LNX1: variants seen among roughly 807,000 people sequenced by gnomAD.
LNX1 encodes ligand of numb-protein X 1.
LNX1 carries 54 observed loss-of-function variants against 68.4 expected under a neutral mutation model. The ratio of observed to expected loss-of-function variants is 0.79; its 90% CI spans 0.63 to 0.99. The LOEUF is 0.99. LNX1 is among the 50% of genes least tolerant of loss of function. LNX1 has a pLI of 0.00. For synonymous variants in LNX1, 336 were observed against 350.0 expected, an observed-to-expected ratio of 0.96 and a Z score of 0.45; for missense variants, 906 against 926.4, an observed-to-expected ratio of 0.98 and a Z score of 0.29.
chr4:53,471,366 G>T (rs1579362581), intron 9 of LNX1, among the ~76,000 whole-genome samples: 1 of 151,936 alleles, frequency 6.6e-6, no homozygotes, highest in Non-Finnish European at 1.5e-5. Flanking sequence ...ACTTATATGT[G>T]AGACCTAAAA....
rs545300947 is a variant in LNX1, at chr4:53,589,566, A to G, written c.-87+1822T>C. On this transcript the variant is annotated intron_variant, in intron 1 of 10. Coordinates refer to ENST00000263925, the MANE Select transcript of LNX1 (RefSeq NM_001126328.3). ...CATTGGTCGCTGGATGCTAACATAT[A>G]TTAGCTACCTCATTTACTTCTCACA... 4.6e-5 allele frequency among the ~76,000 whole-genome samples: 7 copies of G among 152,332 alleles called. No homozygotes were observed. In the East Asian group the frequency reaches 1.2e-3, roughly 25 times the overall value.
At chr4:53,499,782 C>T (rs528428077) in intron 4 of LNX1, among the ~76,000 whole-genome samples, 1 of 152,174 alleles carries the variant, frequency 6.6e-6, no homozygotes, top group Non-Finnish European at 1.5e-5. Flanking sequence ...ATGGAAGAGG[C>T]CTGATTCATG....
chr4:53,526,748 T>C (rs1196617028), intron 2 of LNX1, among the ~76,000 whole-genome samples: 2 of 151,908 alleles, frequency 1.3e-5, no homozygotes, highest in Non-Finnish European at 2.9e-5. Flanking sequence ...GTAAAATTAC[T>C]CTCTTTTCTC....
exon 1 of LNX1, chr4:53,617,256 G>A (rs1303118164): frequency 2.0e-5 from 3 of 152,112 alleles, no homozygotes; most frequent in Non-Finnish European, 4.4e-5. Context: ...ACCTTTTGCA[G>A]GGAAGAATCT....
chr4:53,481,719 C>T lies in LNX1; in HGVS notation c.1485+1G>A. On this transcript the variant is annotated splice_donor_variant, in intron 7 of 10. Transcript: ENST00000263925. LOFTEE classifies it high-confidence loss of function. ...CAGGCGACCTGCCCTAGAGGCCTCACCTTGGGAGTGTTGCTCCTCTCCCCT... is the reference window on the plus strand; with the variant it reads ...CAGGCGACCTGCCCTAGAGGCCTCATCTTGGGAGTGTTGCTCCTCTCCCCT... 1 of 1,613,496 alleles carries T rather than the reference C, an allele frequency of 6.2e-7. No homozygotes were observed. The highest frequency in any genetic ancestry group is 1.3e-5 in the African/African-American group (1 of 75,010).
chr4:53,633,494 T>C (rs1441235741), intron 1 of LNX1, among the ~76,000 whole-genome samples: 1 of 152,208 alleles, frequency 6.6e-6, no homozygotes, highest in East Asian at 1.9e-4. Context: ...TACTCAGAAA[T>C]ACTGATCCTT....
chr4:53,470,090 C>T (rs880000528), intron 9 of LNX1, among the ~76,000 whole-genome samples: 1 of 152,186 alleles, frequency 6.6e-6, no homozygotes, highest in Non-Finnish European at 1.5e-5. Context: ...CAAAAATCCT[C>T]AGTAAAATAC....
upstream of LNX1, among the ~76,000 whole-genome samples, chr4:53,621,953 C>T (rs1733896366): frequency 6.6e-6 from 1 of 152,122 alleles, no homozygotes; most frequent in Non-Finnish European, 1.5e-5. Context: ...ACCCACCCCA[C>T]CACCTGCCAA....
intron 2 of LNX1, among the ~76,000 whole-genome samples, chr4:53,518,332 A>T (rs1413409746): frequency 1.3e-5 from 2 of 152,238 alleles, no homozygotes; most frequent in Non-Finnish European, 2.9e-5. Flanking sequence ...GTCTCTGCAC[A>T]GTTCCAATTT....
At chr4:53,490,208 G>C (rs1724584876) in intron 6 of LNX1, among the ~76,000 whole-genome samples, 1 of 152,154 alleles carries the variant, frequency 6.6e-6, no homozygotes, top group African/African-American at 2.4e-5. Flanking sequence ...AAATGGCTTT[G>C]AGTATTTTCA....
intron 6 of LNX1, among the ~76,000 whole-genome samples, chr4:53,492,563 G>A (rs1220525989): frequency 1.4e-5 from 2 of 147,284 alleles, no homozygotes; most frequent in African/African-American, 5.0e-5. Context: ...GACTGGAGTG[G>A]TTTGGTAAAG....
At chr4:53,509,831 G>A (rs914593048) in intron 2 of LNX1, among the ~76,000 whole-genome samples, 11 of 152,132 alleles carry the variant, frequency 7.2e-5, no homozygotes, top group Admixed American at 3.9e-4. Flanking sequence ...TGATGCAGAC[G>A]TCACCATCCC....
intron 6 of LNX1, 100 bp from the exon 7 acceptor site, chr4:53,481,954 T>A (rs1723946098): frequency 1.5e-6 from 2 of 1,362,864 alleles, no homozygotes; most frequent in South Asian, 3.1e-5. Flanking sequence ...ACCATTTTTT[T>A]ATGGCAAAAC....
At chr4:53,622,646 A>G (rs1219299049) in intron 1 of LNX1, among the ~76,000 whole-genome samples, 1 of 152,194 alleles carries the variant, frequency 6.6e-6, no homozygotes, top group Non-Finnish European at 1.5e-5. Context: ...AAATATAACA[A>G]AGGAGGAAGT....
chr4:53,591,922 T>G (rs1410436103), upstream of LNX1, among the ~76,000 whole-genome samples: 2 of 152,100 alleles, frequency 1.3e-5, no homozygotes, highest in Non-Finnish European at 2.9e-5. Flanking sequence ...CTTAGAAATA[T>G]CTGAGGTGCC....
chr4:53,595,223 G>A (rs192207322), upstream of LNX1, among the ~76,000 whole-genome samples: 7 of 152,280 alleles, frequency 4.6e-5, no homozygotes, highest in Admixed American at 3.3e-4. Context: ...GCAGATATCT[G>A]TTGGGGAGGA....
intron 1 of LNX1, chr4:53,576,344 T>C (rs1277922106): frequency 5.0e-6 from 8 of 1,606,708 alleles, no homozygotes; most frequent in Non-Finnish European, 6.8e-6. Flanking sequence ...CTAAAGGAGA[T>C]GGCAGATCTG....
chr4:53,545,163 G>C (rs11936494), intron 2 of LNX1, among the ~76,000 whole-genome samples: 28,198 of 152,210 alleles, frequency 0.19, 2,838 homozygotes, highest in East Asian at 0.37. Flanking sequence ...TCACTTTAAA[G>C]AATGACTTTG....
chr4:53,503,573 T>C (rs2109499212), intron 4 of LNX1, among the ~76,000 whole-genome samples: 1 of 152,326 alleles, frequency 6.6e-6, no homozygotes, highest in East Asian at 1.9e-4. Flanking sequence ...GAGTAAACTA[T>C]GCTGTAAAAA....
Sources: allele counts gnomAD v4.1 joint callset (sites outside exome capture counted in the v4.1 genomes callset), GRCh38; gene constraint gnomAD v4.1.1; transcripts MANE v1.5; gene names NCBI Gene and HGNC (gene_info 2026-07-23, HGNC 2026-07-21).